The following TSHZ2 variants were observed in gnomAD, a reference collection of about 807,000 sequenced individuals.
TSHZ2 encodes the protein teashirt zinc finger homeobox 2, also known as teashirt homolog 2.
Under a neutral mutation model 74.4 loss-of-function variants are expected in TSHZ2, and 21 were observed. That is an observed-to-expected ratio of 0.28 (90% CI 0.20 to 0.41). TSHZ2 has a LOEUF of 0.41. Ranked by LOEUF, TSHZ2 falls within the 10% of genes least tolerant of loss-of-function variation. TSHZ2 has a pLI of 1.00. For synonymous variants in TSHZ2, 540 were observed against 515.3 expected (o/e 1.05, Z -0.65); for missense variants, 1,244 against 1,293.5 (o/e 0.96, Z 0.59).
At chr20:53,368,378 C>T (rs894359660) in intron 2 of TSHZ2, among the ~76,000 whole-genome samples, 2 of 152,076 alleles carry the variant, frequency 1.3e-5, no homozygotes, top group African/African-American at 2.4e-5. Context: ...GGTGTGACTT[C>T]GGCTCATGGC....
intron 2 of TSHZ2, among the ~76,000 whole-genome samples, chr20:53,373,957 A>T (rs1440989149): frequency 2.6e-5 from 4 of 152,190 alleles, no homozygotes; most frequent in African/African-American, 4.8e-5. Flanking sequence ...TACTAATAGG[A>T]AGCTTTTATG....
rs566470200 is a variant in TSHZ2, at chr20:53,446,566, G to A, written c.*9-40578G>A. Among the ~76,000 whole-genome samples, 45 of 132,282 alleles carry A rather than the reference G, an allele frequency of 3.4e-4. 1 individual carries two copies. The South Asian group carries it at 5.0e-3, about 15-fold the overall frequency. The allele number at this position is 132,282 out of a possible 152,430, so 86.8% of individuals were successfully genotyped here. A position where few individuals can be genotyped will look rare whatever the true frequency, so the allele number is the denominator to read the frequency against. ...TGCACTCCAGTCTGGGTGACAGAGC[G>A]AGACTCTGTCGCAAAAAAAAAAAAA... On this transcript the variant is annotated intron_variant, in intron 2 of 2. Coordinates refer to ENST00000371497, the MANE Select transcript of TSHZ2 (RefSeq NM_173485.6).
chr20:53,249,803 G>A (rs1418197533), intron 1 of TSHZ2, among the ~76,000 whole-genome samples: 1 of 152,210 alleles, frequency 6.6e-6, no homozygotes, highest in African/African-American at 2.4e-5. Flanking sequence ...GCTAAGGGTT[G>A]AGATTTTATT....
At chr20:53,362,851 G>C (rs1981119307) in intron 2 of TSHZ2, among the ~76,000 whole-genome samples, 1 of 152,210 alleles carries the variant, frequency 6.6e-6, no homozygotes, top group African/African-American at 2.4e-5. Flanking sequence ...GTGGACAGGA[G>C]TATTTAGCAG....
At chr20:52,992,125 A>T (rs1032433368) in intron 1 of TSHZ2, among the ~76,000 whole-genome samples, 7 of 152,154 alleles carry the variant, frequency 4.6e-5, no homozygotes, top group African/African-American at 1.7e-4. Flanking sequence ...ACCCTATTGT[A>T]ATGTCTATTT....
chr20:53,444,319 A>G (rs1037804500), intron 2 of TSHZ2, among the ~76,000 whole-genome samples: 12 of 152,158 alleles, frequency 7.9e-5, no homozygotes, highest in Admixed American at 5.9e-4. Flanking sequence ...ACACGGCTCC[A>G]TCTCAACTCC....
At chr20:53,047,444 A>G (rs1466141390) in intron 1 of TSHZ2, among the ~76,000 whole-genome samples, 1 of 152,188 alleles carries the variant, frequency 6.6e-6, no homozygotes. Context: ...TCCAGCCAGC[A>G]AGAAAGGAAA....
At chr20:53,142,971 G>T (rs904173506) in intron 1 of TSHZ2, among the ~76,000 whole-genome samples, 1 of 152,116 alleles carries the variant, frequency 6.6e-6, no homozygotes, top group African/African-American at 2.4e-5. Flanking sequence ...GTGTCAGATC[G>T]CATTGAGTAA....
intron 2 of TSHZ2, among the ~76,000 whole-genome samples, chr20:53,452,525 G>C (rs1053616420): frequency 1.3e-5 from 2 of 151,792 alleles, no homozygotes; most frequent in African/African-American, 4.8e-5. Context: ...CTTGAACCTG[G>C]GAGGTGGAGC....
At chr20:53,149,853 C>A (rs1020099796) in intron 1 of TSHZ2, among the ~76,000 whole-genome samples, 2 of 152,194 alleles carry the variant, frequency 1.3e-5, no homozygotes, top group African/African-American at 2.4e-5. Flanking sequence ...TAAGCACGCT[C>A]GGAAAATGCC....
intron 1 of TSHZ2, among the ~76,000 whole-genome samples, chr20:53,116,069 C>T (rs1413356833): frequency 6.6e-6 from 1 of 152,188 alleles, no homozygotes; most frequent in African/African-American, 2.4e-5. Context: ...TTCCTTATAT[C>T]AGTTAGCTCT....
chr20:53,131,261 A>T (rs938046177), intron 1 of TSHZ2, among the ~76,000 whole-genome samples: 3 of 152,214 alleles, frequency 2.0e-5, no homozygotes, highest in African/African-American at 7.2e-5. Flanking sequence ...TAGGACAATA[A>T]ATCAGTGAAA....
chr20:53,293,700 C>CAAAAAAA (rs11476117), intron 2 of TSHZ2, among the ~76,000 whole-genome samples: 2 of 120,252 alleles, frequency 1.7e-5, no homozygotes, highest in Non-Finnish European at 3.4e-5. Context: ...AACTGGCTCT[C>CAAAAAAA]AAAAAAAAAA....
chr20:53,180,242 A>C (rs1219164716), intron 1 of TSHZ2, among the ~76,000 whole-genome samples: 1 of 152,226 alleles, frequency 6.6e-6, no homozygotes, highest in Non-Finnish European at 1.5e-5. Flanking sequence ...CAGCAGAAAG[A>C]GCACATTACC....
At position 53,161,130 on chromosome 20, in the gene TSHZ2, CAAAAAAAAAA is replaced by C. The variant is rs368626161; in HGVS notation, c.41-92355_41-92346del. 5.6e-4 allele frequency among the ~76,000 whole-genome samples: 38 copies of C among 67,972 alleles called. 2 individuals carry two copies. The East Asian group carries it at 0.013, about 23-fold the overall frequency. The allele number at this position is 67,972 out of a possible 152,430, so 44.6% of individuals were successfully genotyped here. On this transcript the variant is annotated intron_variant, in intron 1 of 2. Coordinates refer to ENST00000371497, the MANE Select transcript of TSHZ2 (RefSeq NM_173485.6). ...AGAAACCAACTCTGGTTATTTTCAG[CAAAAAAAAAA>C]AAAAAAAAAAAAATAGGAGGTAATG...
intron 2 of TSHZ2, among the ~76,000 whole-genome samples, chr20:53,458,324 T>C (rs1985195204): frequency 6.6e-6 from 1 of 151,858 alleles, no homozygotes; most frequent in Non-Finnish European, 1.5e-5. Context: ...CCATTTCTTC[T>C]AGATTTTCTA....
chr20:53,273,248 A>G (rs1041633310), intron 2 of TSHZ2: 4 of 152,346 alleles, frequency 2.6e-5, no homozygotes, highest in African/African-American at 9.6e-5. Context: ...CATTAGGTCC[A>G]CTGGGAAGCC....
intron 2 of TSHZ2, among the ~76,000 whole-genome samples, chr20:53,269,236 GA>G (rs1175503563): frequency 6.7e-6 from 1 of 149,270 alleles, no homozygotes; most frequent in African/African-American, 2.5e-5. Context: ...ATCACCTAAA[GA>G]AAAAAACCCT....
intron 2 of TSHZ2, among the ~76,000 whole-genome samples, chr20:53,458,538 G>GT (rs1484410560): frequency 7.9e-5 from 12 of 152,190 alleles, no homozygotes; most frequent in East Asian, 7.7e-4. Flanking sequence ...TTTTTGAAGG[G>GT]TTTTTTGTGT....
Sources: gnomAD v4.1 joint callset for allele counts (sites outside exome capture counted in the v4.1 genomes callset) on GRCh38, gnomAD v4.1.1 for gene constraint, MANE v1.5 for transcripts, NCBI Gene and HGNC (gene_info 2026-07-23, HGNC 2026-07-21) for gene names.